Variants in PSD3 observed in about 807,000 individuals in gnomAD.
PSD3 encodes pleckstrin and Sec7 domain containing 3, also known as PH and SEC7 domain-containing protein 3.
Under a neutral mutation model 105.5 loss-of-function variants are expected in PSD3, and 49 were observed. The ratio of observed to expected loss-of-function variants is 0.46; its 90% confidence interval spans 0.37 to 0.59. PSD3 has a LOEUF of 0.59. PSD3 is among the 20% of genes least tolerant of loss of function. The pLI, the probability that PSD3 is intolerant of heterozygous loss-of-function variation, is 0.00. For missense variants in PSD3, 1,561 were observed against 1,263.8 expected, an observed-to-expected ratio of 1.24 and a Z score of -3.57; for synonymous variants, 557 against 457.8, an observed-to-expected ratio of 1.22 and a Z score of -2.77.
intron 4 of PSD3, chr8:18,809,022 G>A (rs1233714982): frequency 1.1e-5 from 11 of 1,015,262 alleles, no homozygotes; most frequent in South Asian, 6.5e-5. Context: ...ACTGTCTATC[G>A]AGAACGTAAG....
intron 2 of PSD3, among the ~76,000 whole-genome samples, chr8:18,894,899 G>A (rs1410271470): frequency 2.0e-5 from 3 of 152,168 alleles, no homozygotes; most frequent in Non-Finnish European, 2.9e-5. Flanking sequence ...GAAAGGGAAG[G>A]ATCTGAGTTT....
chr8:18,582,145 A>C (rs1802860631), intron 12 of PSD3, among the ~76,000 whole-genome samples: 1 of 152,142 alleles, frequency 6.6e-6, no homozygotes, highest in South Asian at 2.1e-4. Context: ...GGGGAATATG[A>C]GAAAAAGAGG....
intron 1 of PSD3, among the ~76,000 whole-genome samples, chr8:19,048,450 T>C (rs1234194806): frequency 6.6e-6 from 1 of 152,162 alleles, no homozygotes; most frequent in Non-Finnish European, 1.5e-5. Context: ...TGCAAAAATA[T>C]ATGGATAAAA....
chr8:18,741,593 T>C (rs957960842), intron 9 of PSD3, among the ~76,000 whole-genome samples: 22 of 152,194 alleles, frequency 1.4e-4, no homozygotes, highest in African/African-American at 1.4e-4. Context: ...TATTCATCTA[T>C]AGACTCTACT....
intron 15 of PSD3, among the ~76,000 whole-genome samples, chr8:18,537,646 A>G (rs1331902849): frequency 6.6e-6 from 1 of 150,438 alleles, no homozygotes; most frequent in East Asian, 2.0e-4. Context: ...AAAGGGACAG[A>G]CTTTAAGGAG....
intron 1 of PSD3, among the ~76,000 whole-genome samples, chr8:19,048,724 T>C (rs568756991): frequency 3.9e-5 from 6 of 152,360 alleles, no homozygotes; most frequent in African/African-American, 1.4e-4. Flanking sequence ...ATGGATTCTA[T>C]ATGAGCAGGG....
intron 4 of PSD3, among the ~76,000 whole-genome samples, chr8:18,841,868 C>A (rs1057442746): frequency 6.6e-6 from 1 of 152,064 alleles, no homozygotes; most frequent in African/African-American, 2.4e-5. Flanking sequence ...GACCCTAATC[C>A]CTTCATTAAA....
intron 9 of PSD3, among the ~76,000 whole-genome samples, chr8:18,752,627 ATATATAAT>A (rs1805687921): frequency 4.0e-5 from 3 of 74,366 alleles, no homozygotes; most frequent in Non-Finnish European, 6.5e-5. Flanking sequence ...AATATATATT[ATATATAAT>A]ATATATAATA....
At position 18,547,590 on chromosome 8, in the gene PSD3, T is replaced by C. The variant is rs550252166; in HGVS notation, c.2928+8619A>G. Among the ~76,000 whole-genome samples, 12 of 152,366 alleles carry C rather than the reference T, an allele frequency of 7.9e-5. No individual in the cohort carries two copies. In the East Asian group the frequency reaches 2.1e-3, roughly 27 times the overall value. On this transcript the variant is annotated intron_variant, in intron 15 of 15. Transcript: ENST00000327040. ...ACAGGGAATCTCACTACTCTCTTGC[T>C]ACACTTTAATGCTTTCCCTCTGACA...
chr8:18,841,274 A>G (rs1433087950), intron 4 of PSD3, among the ~76,000 whole-genome samples: 1 of 152,070 alleles, frequency 6.6e-6, no homozygotes, highest in African/African-American at 2.4e-5. Flanking sequence ...CACTGCGTGG[A>G]AAAAAAGTCT....
chr8:19,078,550 T>C (rs1287197250), intron 1 of PSD3, among the ~76,000 whole-genome samples: 2 of 152,070 alleles, frequency 1.3e-5, no homozygotes, highest in Non-Finnish European at 2.9e-5. Flanking sequence ...TATTTTCTCC[T>C]CTGCTCTCTG....
intron 10 of PSD3, among the ~76,000 whole-genome samples, chr8:18,640,343 G>A (rs1480949975): frequency 6.6e-6 from 1 of 152,164 alleles, no homozygotes; most frequent in Non-Finnish European, 1.5e-5. Context: ...TGCATACATT[G>A]TTAAGTGATA....
At chr8:18,782,226 G>T (rs1808704811) in intron 8 of PSD3, among the ~76,000 whole-genome samples, 1 of 151,932 alleles carries the variant, frequency 6.6e-6, no homozygotes, top group Admixed American at 6.6e-5. Context: ...ATGGTTTCAT[G>T]CTTCCTTGAT....
chr8:19,023,610 A>T (rs1360538287), intron 1 of PSD3, among the ~76,000 whole-genome samples: 1 of 151,664 alleles, frequency 6.6e-6, no homozygotes, highest in Non-Finnish European at 1.5e-5. Context: ...TATTATTTTA[A>T]TTTTTTTGTA....
At chr8:18,753,517 A>G (rs1400078664) in intron 9 of PSD3, among the ~76,000 whole-genome samples, 1 of 152,164 alleles carries the variant, frequency 6.6e-6, no homozygotes, top group Non-Finnish European at 1.5e-5. Context: ...ACAACAATTT[A>G]GCACAAAAAC....
chr8:18,624,748 A>G (rs2130731420), intron 11 of PSD3, among the ~76,000 whole-genome samples: 1 of 151,900 alleles, frequency 6.6e-6, no homozygotes, highest in Middle Eastern at 3.4e-3. Context: ...ATTACCATGG[A>G]TCCTAATCCT....
At chr8:18,858,647 C>T (rs1022828248) in intron 4 of PSD3, among the ~76,000 whole-genome samples, 1 of 152,134 alleles carries the variant, frequency 6.6e-6, no homozygotes, top group African/African-American at 2.4e-5. Flanking sequence ...GTAGTCATCT[C>T]AATGAGGTTC....
intron 4 of PSD3, among the ~76,000 whole-genome samples, chr8:18,819,510 AT>A (rs1204307099): frequency 6.6e-6 from 1 of 151,748 alleles, no homozygotes; most frequent in Non-Finnish European, 1.5e-5. Flanking sequence ...GTAAATACAA[AT>A]TCATATTTCA....
At chr8:18,950,194 T>C (rs546430872) in intron 1 of PSD3, among the ~76,000 whole-genome samples, 21 of 152,334 alleles carry the variant, frequency 1.4e-4, no homozygotes, top group African/African-American at 4.6e-4. Flanking sequence ...GTAATGAATA[T>C]TCAAAGACAC....
Sources: gnomAD v4.1 joint callset for allele counts (sites outside exome capture counted in the v4.1 genomes callset) on GRCh38, gnomAD v4.1.1 for gene constraint, MANE v1.5 for transcripts, NCBI Gene and HGNC (gene_info 2026-07-23, HGNC 2026-07-21) for gene names.